The following TTC7A variants were observed in gnomAD, a reference collection of about 807,000 sequenced individuals.
The protein encoded by TTC7A is tetratricopeptide repeat domain 7A.
A neutral mutation model predicts 103.7 loss-of-function variants in TTC7A; 110 were observed. The ratio of observed to expected loss-of-function variants is 1.06; its 90% confidence interval spans 0.91 to 1.24. The LOEUF is 1.24. Among genes scored for constraint, TTC7A ranks in the 50% most tolerant of loss-of-function variants. The pLI is 0.00. For missense variants in TTC7A, 1,340 were observed against 1,116.3 expected, an observed-to-expected ratio of 1.20 and a Z score of -2.86; for synonymous variants, 521 against 467.9, an observed-to-expected ratio of 1.11 and a Z score of -1.47.
chr2:46,972,932 T>C (rs1252045611), intron 3 of TTC7A, among the ~76,000 whole-genome samples: 1 of 152,148 alleles, frequency 6.6e-6, no homozygotes, highest in Admixed American at 6.5e-5. Context: ...ACCAGGAGGG[T>C]GGATGTTTTT....
intron 11 of TTC7A, among the ~76,000 whole-genome samples, chr2:47,015,498 TCTGC>T (rs1412785690): frequency 6.6e-6 from 1 of 152,190 alleles, no homozygotes; most frequent in African/African-American, 2.4e-5. Flanking sequence ...AGTTCAAATT[TCTGC>T]CTACCCATGT....
At chr2:46,993,675 C>A (rs1351929458) in intron 6 of TTC7A, 147 bp downstream of exon 6, 2 of 722,480 alleles carry the variant, frequency 2.8e-6, no homozygotes, top group African/African-American at 3.5e-5. Flanking sequence ...ATCTCAGCAT[C>A]CTTTCCCACG....
At chr2:47,066,115 G>T (rs1319088167) in intron 19 of TTC7A, 1 of 152,178 alleles carries the variant, frequency 6.6e-6, no homozygotes, top group African/African-American at 2.4e-5. Context: ...ATGTGACCCA[G>T]CTTCTTCTCT....
rs753235203 is a variant in TTC7A at position 47,005,923 on chromosome 2, CAACTCG to C, written c.1069_1074del (p.Thr357_Arg358del). 6.2e-7 allele frequency: 1 copy of C among 1,614,140 alleles called. No homozygotes were observed. Among genetic ancestry groups the C allele is most frequent in the South Asian group, 1.1e-5 (1 of 91,078 alleles). ...TCCCAAACAATGTCCCACCCACAGG[CAACTCG>C]AGATGTGGTGCTGAGCCGGGTGCCG... On this transcript the variant is annotated inframe_deletion and splice_region_variant, in exon 9 of 20. Transcript: ENST00000319190.
At chr2:47,004,076 A>G (rs13428696) in intron 8 of TTC7A, among the ~76,000 whole-genome samples, 20,226 of 152,084 alleles carry the variant, frequency 0.13, 1,753 homozygotes, top group African/African-American at 0.25. Flanking sequence ...AACCCTTTGG[A>G]GCTCCTGAGT....
At chr2:46,995,221 A>C (rs1284164613) in intron 8 of TTC7A, 22 bp downstream of exon 8, 2 of 1,613,218 alleles carry the variant, frequency 1.2e-6, no homozygotes, top group Admixed American at 3.3e-5. Context: ...GATGTCCTTC[A>C]GGGGCCTCTG....
rs1490638208 is a variant in TTC7A at position 47,051,885 on chromosome 2, G to A, written c.2152+5G>A. Reference sequence around the variant, plus strand: ...AACAGATCTGGCTGCAGGCTGGTGAGTGCCCTGGTCCCAGTGACACACACA... The same window carrying A: ...AACAGATCTGGCTGCAGGCTGGTGAATGCCCTGGTCCCAGTGACACACACA... On this transcript the variant is annotated splice_donor_5th_base_variant and intron_variant, in intron 18 of 19. Coordinates refer to ENST00000319190, the MANE Select transcript of TTC7A (RefSeq NM_020458.4). 4 of 1,606,018 alleles carry A rather than the reference G, an allele frequency of 2.5e-6. No homozygotes were observed. The highest frequency in any genetic ancestry group is 1.7e-5 in the Admixed American group (1 of 59,426).
At chr2:47,046,912 T>C (rs4953450) in intron 16 of TTC7A, 29,986 of 245,516 alleles carry the variant, frequency 0.12, 3,563 homozygotes, top group East Asian at 0.44. Context: ...CCTCATTCCA[T>C]TTGGAGGCTA....
chr2:47,000,799 C>T (rs1383768481), intron 8 of TTC7A, among the ~76,000 whole-genome samples: 7 of 152,128 alleles, frequency 4.6e-5, no homozygotes, highest in African/African-American at 1.2e-4. Flanking sequence ...TTTGAGAATG[C>T]GGTTGATCAG....
chr2:46,949,666 A>G (rs1055063245), intron 1 of TTC7A, among the ~76,000 whole-genome samples: 5 of 152,210 alleles, frequency 3.3e-5, no homozygotes, highest in Admixed American at 6.5e-5. Context: ...TTGCCTTGGC[A>G]ACAAGTAGAT....
chr2:46,956,512 G>C (rs989749703), intron 2 of TTC7A: 162 of 284,792 alleles, frequency 5.7e-4, no homozygotes, highest in African/African-American at 2.6e-3. Flanking sequence ...AGTGCCCCCT[G>C]GGGCTGCAGT....
At chr2:47,039,430 G>A (rs1484707582) in intron 15 of TTC7A, among the ~76,000 whole-genome samples, 2 of 152,186 alleles carry the variant, frequency 1.3e-5, no homozygotes, top group African/African-American at 4.8e-5. Flanking sequence ...AGCCAGGGAG[G>A]GGACACAGGG....
chr2:47,020,824 C>T (rs1486011448), intron 11 of TTC7A, among the ~76,000 whole-genome samples: 4 of 152,240 alleles, frequency 2.6e-5, no homozygotes, highest in Non-Finnish European at 5.9e-5. Flanking sequence ...GCCCAAGATA[C>T]CCAGAGCTGC....
Position 47,029,364 on chromosome 2 carries a change from C to G in TTC7A, c.1782C>G (p.Thr594=), listed in dbSNP as rs780233999. The change falls in exon 15 of 20, where the codon ACC becomes ACG. Residue 594 remains threonine (T), a synonymous_variant. Transcript: ENST00000319190. ...HALDVVNMAI[T]EHPENFNLMF... ...TGGATGTTGTCAACATGGCCATCACCGAGCACCCTGAGAACTTCAAGTGAG... is the reference window on the plus strand; with the variant it reads ...TGGATGTTGTCAACATGGCCATCACGGAGCACCCTGAGAACTTCAAGTGAG... The G allele has an allele frequency of 6.2e-7, 1 of 1,613,880 alleles. No homozygotes were observed. Among genetic ancestry groups the G allele is most frequent in the East Asian group, 2.2e-5 (1 of 44,890 alleles).
At chr2:47,013,022 G>A (rs1188520379) in intron 11 of TTC7A, among the ~76,000 whole-genome samples, 2 of 152,130 alleles carry the variant, frequency 1.3e-5, no homozygotes, top group Non-Finnish European at 2.9e-5. Flanking sequence ...CCACCCACTG[G>A]GTACCCTAGA....
intron 11 of TTC7A, among the ~76,000 whole-genome samples, chr2:47,013,936 A>T (rs7558419): frequency 6.6e-6 from 1 of 151,944 alleles, no homozygotes; most frequent in Non-Finnish European, 1.5e-5. Context: ...GTGGCCCGAG[A>T]GTGGGCTCCT....
chr2:47,055,333 G>A (rs768699723), intron 18 of TTC7A, among the ~76,000 whole-genome samples: 4 of 152,170 alleles, frequency 2.6e-5, no homozygotes, highest in East Asian at 3.8e-4. Flanking sequence ...AGAGACTGTC[G>A]TAGCCTTCCT....
chr2:47,030,576 T>C (rs1680422493), intron 15 of TTC7A, among the ~76,000 whole-genome samples: 1 of 152,218 alleles, frequency 6.6e-6, no homozygotes, highest in Non-Finnish European at 1.5e-5. Flanking sequence ...CCCCATAATG[T>C]GCCTCCCTGA....
chr2:47,001,205 T>G (rs1676767343), intron 8 of TTC7A, among the ~76,000 whole-genome samples: 1 of 152,170 alleles, frequency 6.6e-6, no homozygotes, highest in South Asian at 2.1e-4. Flanking sequence ...GAGCCCTGTT[T>G]ATGTCCAGGG....
Sources: allele counts gnomAD v4.1 joint callset (sites outside exome capture counted in the v4.1 genomes callset), GRCh38; gene constraint gnomAD v4.1.1; transcripts MANE v1.5; gene names NCBI Gene and HGNC (gene_info 2026-07-23, HGNC 2026-07-21).